The following MCF2L2 variants were observed in gnomAD, a reference collection of about 807,000 sequenced individuals.
The protein encoded by MCF2L2 is MCF.2 cell line derived transforming sequence-like 2, also known as probable guanine nucleotide exchange factor MCF2L2.
Under a neutral mutation model 150.2 loss-of-function variants are expected in MCF2L2, and 102 were observed. The ratio of observed to expected loss-of-function variants is 0.68; its 90% CI spans 0.58 to 0.80. MCF2L2 has a LOEUF of 0.80. Ranked by LOEUF, MCF2L2 falls within the 30% of genes least tolerant of loss-of-function variation. MCF2L2 has a pLI of 0.00. For missense variants in MCF2L2, 1,256 were observed against 1,372.8 expected (o/e 0.91, Z 1.34); for synonymous variants, 465 against 491.3 (o/e 0.95, Z 0.71).
chr3:183,207,939 A>C, intron 22 of MCF2L2, 116 bp from the exon 23 acceptor site: 2 of 784,308 alleles, frequency 2.6e-6, no homozygotes, highest in Non-Finnish European at 4.0e-6. Flanking sequence ...TTACAATTCT[A>C]AAAGTGCTAT....
intron 1 of MCF2L2, among the ~76,000 whole-genome samples, chr3:183,423,933 C>G (rs1442610328): frequency 6.6e-6 from 1 of 152,046 alleles, no homozygotes; most frequent in Non-Finnish European, 1.5e-5. Context: ...CATGGCCCAT[C>G]TTGATGACTA....
In MCF2L2 at chr3:183,181,277, C is replaced by T. The variant is rs1329992703; in HGVS notation, c.3017-1118G>A. ...ACAAGCCACGTTCTGGGCCCCAGGC[C>T]CTCCCCAGAGCAGATCAGTGGGGGC... On this transcript the variant is annotated intron_variant, in intron 27 of 29. Transcript: ENST00000328913. This position sits in a 1 kb window ranked among gnomAD's most constrained non-coding sequence, Gnocchi z 4.3. Among the ~76,000 whole-genome samples, 3 of 152,126 alleles carry T rather than the reference C, an allele frequency of 2.0e-5. No homozygotes were observed. Among genetic ancestry groups the T allele is most frequent in the Non-Finnish European group, 4.4e-5 (3 of 68,026 alleles).
At chr3:183,232,325 C>G (rs1416547731) in intron 15 of MCF2L2, among the ~76,000 whole-genome samples, 2 of 152,160 alleles carry the variant, frequency 1.3e-5, no homozygotes, top group Non-Finnish European at 2.9e-5. Flanking sequence ...CACAGCCAGC[C>G]AACACCTTGA....
intron 23 of MCF2L2, among the ~76,000 whole-genome samples, chr3:183,206,515 T>C (rs1000714575): frequency 6.6e-6 from 1 of 152,200 alleles, no homozygotes; most frequent in African/African-American, 2.4e-5. Context: ...TCAACGTGTA[T>C]TTTACAACTT....
At chr3:183,368,045 T>C (rs1435189069) in intron 3 of MCF2L2, among the ~76,000 whole-genome samples, 1 of 152,188 alleles carries the variant, frequency 6.6e-6, no homozygotes, top group African/African-American at 2.4e-5. Flanking sequence ...CTTTACCAGC[T>C]TGTGAGTTTA....
chr3:183,423,300 G>C (rs1309317965), intron 1 of MCF2L2, among the ~76,000 whole-genome samples: 2 of 152,162 alleles, frequency 1.3e-5, no homozygotes, highest in Non-Finnish European at 1.5e-5. Flanking sequence ...GAATTTCTCA[G>C]TCTAGTATTT....
intron 25 of MCF2L2, among the ~76,000 whole-genome samples, chr3:183,204,544 T>C (rs1397988844): frequency 1.3e-5 from 2 of 152,084 alleles, no homozygotes; most frequent in Non-Finnish European, 2.9e-5. Flanking sequence ...TGAACCCAAC[T>C]ATTATATTGC....
chr3:183,260,362 A>G (rs956759561), intron 15 of MCF2L2, among the ~76,000 whole-genome samples: 2 of 152,162 alleles, frequency 1.3e-5, no homozygotes, highest in Non-Finnish European at 2.9e-5. Context: ...AGGCAAGAAA[A>G]AAACTGACAA....
At chr3:183,246,219 C>T (rs1724246775) in intron 15 of MCF2L2, among the ~76,000 whole-genome samples, 1 of 151,854 alleles carries the variant, frequency 6.6e-6, no homozygotes, top group South Asian at 2.1e-4. Flanking sequence ...CTATTTAAAC[C>T]TTTTTGAAGT....
intron 3 of MCF2L2, chr3:183,372,913 T>C (rs371855419): frequency 1.3e-5 from 2 of 152,224 alleles, no homozygotes; most frequent in East Asian, 1.9e-4. Context: ...ACAACTATGA[T>C]TGAAACGCAG....
intron 3 of MCF2L2, among the ~76,000 whole-genome samples, chr3:183,341,913 G>A (rs928483307): frequency 2.0e-5 from 3 of 152,230 alleles, no homozygotes; most frequent in African/African-American, 7.2e-5. Flanking sequence ...CACGTGTCAG[G>A]TGAGCATCAC....
Position 183,212,685 on chromosome 3 carries a change from G to A in MCF2L2, c.2496+3284C>T, listed in dbSNP as rs963566578. 6.3e-5 allele frequency among the ~76,000 whole-genome samples: 5 copies of A among 79,450 alleles called. No homozygotes were observed. In the South Asian group the frequency reaches 2.3e-3, roughly 36 times the overall value. The allele number at this position is 79,450 out of a possible 152,430, so 52.1% of individuals were successfully genotyped here. ...TTAATATGACTGTCACAAACTTACT[G>A]CACAAAGAAGCAGGAAACATCTGTA... On this transcript the variant is annotated intron_variant, in intron 22 of 29. Coordinates refer to ENST00000328913, the MANE Select transcript of MCF2L2 (RefSeq NM_015078.4).
At chr3:183,240,432 T>C (rs1723968766) in intron 15 of MCF2L2, among the ~76,000 whole-genome samples, 1 of 152,208 alleles carries the variant, frequency 6.6e-6, no homozygotes, top group Non-Finnish European at 1.5e-5. Context: ...TTGGCCAGGC[T>C]GGTCTCGAAC....
intron 27 of MCF2L2, chr3:183,192,668 ATTGT>A (rs1721939695): frequency 4.2e-6 from 1 of 236,164 alleles, no homozygotes; most frequent in African/African-American, 2.3e-5. Context: ...AAACTCATCG[ATTGT>A]TTATTTCTGT....
chr3:183,252,701 C>A (rs776747442), intron 15 of MCF2L2, among the ~76,000 whole-genome samples: 1 of 152,192 alleles, frequency 6.6e-6, no homozygotes, highest in Non-Finnish European at 1.5e-5. Context: ...TAACTCATTA[C>A]CTGTCTTGTT....
chr3:183,351,366 A>G (rs577319544), intron 3 of MCF2L2, among the ~76,000 whole-genome samples: 3 of 151,300 alleles, frequency 2.0e-5, no homozygotes, highest in African/African-American at 7.3e-5. Context: ...ATGTTAATAT[A>G]CTTTCCTATG....
chr3:183,214,735 C>A (rs1722850577), intron 22 of MCF2L2, among the ~76,000 whole-genome samples: 1 of 151,760 alleles, frequency 6.6e-6, no homozygotes, highest in Non-Finnish European at 1.5e-5. Flanking sequence ...ACCTGTAATC[C>A]CAGCACTTTG....
At chr3:183,324,726 C>T (rs1239672159) in intron 5 of MCF2L2, among the ~76,000 whole-genome samples, 1 of 151,688 alleles carries the variant, frequency 6.6e-6, no homozygotes, top group African/African-American at 2.4e-5. Context: ...GAGGGAGACC[C>T]CATCTCTTAA....
At chr3:183,193,639 T>C (rs536807550) in intron 26 of MCF2L2, among the ~76,000 whole-genome samples, 1 of 152,272 alleles carries the variant, frequency 6.6e-6, no homozygotes, top group South Asian at 2.1e-4. Context: ...CTACAAATCT[T>C]AAAGGGGGAA....
Sources: gnomAD v4.1 joint callset for allele counts (sites outside exome capture counted in the v4.1 genomes callset) on GRCh38, gnomAD v4.1.1 for gene constraint, Gnocchi (gnomAD v3.1) non-coding constraint, MANE v1.5 for transcripts, NCBI Gene and HGNC (gene_info 2026-07-23, HGNC 2026-07-21) for gene names.